Variants in ABCG2 observed in about 807,000 individuals in gnomAD.
ABCG2 encodes the protein broad substrate specificity ATP-binding cassette transporter ABCG2.
ABCG2 carries 80 observed loss-of-function variants against 73.5 expected under a neutral mutation model. That is an observed-to-expected ratio of 1.09 (90% CI 0.91 to 1.31). The LOEUF (loss-of-function observed/expected upper bound fraction) is 1.31. Ranked by LOEUF, ABCG2 falls within the 50% of genes most tolerant of loss-of-function variation. The pLI is 0.00. For synonymous variants in ABCG2, 269 were observed against 282.4 expected (o/e 0.95, Z 0.48); for missense variants, 796 against 786.2 (o/e 1.01, Z -0.15).
At chr4:88,122,864 A>C (rs1724106767) in intron 5 of ABCG2, among the ~76,000 whole-genome samples, 1 of 152,196 alleles carries the variant, frequency 6.6e-6, no homozygotes, top group African/African-American at 2.4e-5. Flanking sequence ...GTGCCTCCTG[A>C]TTGGGAGACA....
At position 88,113,417 on chromosome 4, in the gene ABCG2, C is replaced by G; in HGVS notation, c.1080G>C (p.Lys360Asn). Residue 360 changes from lysine (K) to asparagine (N), a missense_variant, in exon 9 of 16, where the codon AAG (lysine) becomes AAC (asparagine). Lys to Asn is a moderately conservative substitution (Grantham distance 94). Coordinates refer to ENST00000237612, the MANE Select transcript of ABCG2 (RefSeq NM_004827.3). ...HQLSGGEKKKKITVFKEISYT... is the reference protein window; with the variant it reads ...HQLSGGEKKKNITVFKEISYT... The stretch of plus-strand genomic sequence containing the variant: ...AGCTGATCTCCTTGAAGACTGTGAT[C>G]TTCTTCTTCTTCTCACCCCCGGAAA... 1 of 1,605,278 alleles carries G rather than the reference C, an allele frequency of 6.2e-7. No homozygotes were observed. Among genetic ancestry groups the G allele is most frequent in the Non-Finnish European group, 8.5e-7 (1 of 1,175,520 alleles).
chr4:88,182,934 A>C (rs939121104), intron 1 of ABCG2, among the ~76,000 whole-genome samples: 1 of 151,760 alleles, frequency 6.6e-6, no homozygotes, highest in Non-Finnish European at 1.5e-5. Flanking sequence ...AAATACAAAA[A>C]ATTAGCTGGG....
At chr4:88,152,591 T>C (rs966713499) in intron 1 of ABCG2, among the ~76,000 whole-genome samples, 1 of 152,018 alleles carries the variant, frequency 6.6e-6, no homozygotes, top group African/African-American at 2.4e-5. Flanking sequence ...GGTAATGTCA[T>C]CAGTTAAGGC....
chr4:88,184,105 ACTG>A (rs1728359565), intron 1 of ABCG2, among the ~76,000 whole-genome samples: 1 of 152,228 alleles, frequency 6.6e-6, no homozygotes, highest in Admixed American at 6.5e-5. Flanking sequence ...CTAGTATCAT[ACTG>A]AATGGGGAGA....
At chr4:88,136,768 C>T (rs1170394715) in intron 2 of ABCG2, among the ~76,000 whole-genome samples, 1 of 151,820 alleles carries the variant, frequency 6.6e-6, no homozygotes, top group Non-Finnish European at 1.5e-5. Context: ...GTAATCCCTA[C>T]ATTTTGGGAG....
At chr4:88,102,134 G>C (rs1180938624) in intron 10 of ABCG2, among the ~76,000 whole-genome samples, 1 of 152,266 alleles carries the variant, frequency 6.6e-6, no homozygotes, top group Non-Finnish European at 1.5e-5. Context: ...CATCAGCAGG[G>C]CCGTGACATT....
upstream of ABCG2, among the ~76,000 whole-genome samples, chr4:88,160,176 G>A (rs922378110): frequency 6.6e-6 from 1 of 151,756 alleles, no homozygotes; most frequent in Non-Finnish European, 1.5e-5. Context: ...AGGAGGCAGA[G>A]GTTGCAAATG....
intron 1 of ABCG2, among the ~76,000 whole-genome samples, chr4:88,169,947 C>CT (rs1279266009): frequency 1.3e-5 from 2 of 151,924 alleles, no homozygotes; most frequent in African/African-American, 4.8e-5. Context: ...CCCGTCTCTA[C>CT]TAAAAATACA....
Position 88,207,898 on chromosome 4 carries a change from G to C in ABCG2, c.-20+23096C>G, listed in dbSNP as rs542759792. Among the ~76,000 whole-genome samples, 401 of 152,088 alleles carry C rather than the reference G, an allele frequency of 2.6e-3. 2 individuals carry two copies. The highest frequency in any genetic ancestry group is 8.5e-3 in the African/African-American group (352 of 41,510). On this transcript the variant is annotated intron_variant, in intron 1 of 15. Transcript: ENST00000515655. ...GGGCACAATGAAGGATATTTTTGTT[G>C]GCTGAAAAGTCTATTCAAATGTTCA...
At chr4:88,193,083 T>G (rs943802142) in intron 1 of ABCG2, among the ~76,000 whole-genome samples, 4 of 151,972 alleles carry the variant, frequency 2.6e-5, no homozygotes, top group African/African-American at 9.7e-5. Flanking sequence ...ATATAATTAT[T>G]TATTTAAAAC....
chr4:88,222,468 T>TA (rs887962619), intron 1 of ABCG2, among the ~76,000 whole-genome samples: 1 of 151,880 alleles, frequency 6.6e-6, no homozygotes, highest in African/African-American at 2.4e-5. Flanking sequence ...TTTGAGGGTT[T>TA]AAAAAAAATA....
At chr4:88,205,819 A>T (rs979298545) in intron 1 of ABCG2, among the ~76,000 whole-genome samples, 4 of 152,140 alleles carry the variant, frequency 2.6e-5, no homozygotes, top group Non-Finnish European at 4.4e-5. Context: ...AGTAGCTGGG[A>T]CCACAGGTGC....
chr4:88,131,243 T>A, intron 4 of ABCG2, 30 bp from the exon 5 acceptor site: 1 of 1,606,528 alleles, frequency 6.2e-7, no homozygotes, highest in Non-Finnish European at 8.5e-7. Flanking sequence ...TAATGAGACA[T>A]AATGATAATG....
At chr4:88,151,256 T>C (rs923310541) in intron 1 of ABCG2, among the ~76,000 whole-genome samples, 1 of 152,162 alleles carries the variant, frequency 6.6e-6, no homozygotes, top group African/African-American at 2.4e-5. Flanking sequence ...TTAGAACATT[T>C]TGGGATCCTA....
intron 2 of ABCG2, 99 bp downstream of exon 2, chr4:88,139,694 C>T (rs77921443): frequency 9.0e-6 from 9 of 1,000,418 alleles, no homozygotes; most frequent in African/African-American, 8.2e-5. Context: ...AAGACTTGTA[C>T]AAAAATGTTC....
chr4:88,128,899 T>C (rs548365742), intron 5 of ABCG2, among the ~76,000 whole-genome samples: 1 of 152,194 alleles, frequency 6.6e-6, no homozygotes, highest in East Asian at 1.9e-4. Flanking sequence ...TGCACATGTA[T>C]CCCAGAACTT....
intron 11 of ABCG2, among the ~76,000 whole-genome samples, chr4:88,100,551 G>C (rs1023674278): frequency 2.0e-5 from 3 of 150,788 alleles, no homozygotes; most frequent in Admixed American, 2.0e-4. Context: ...TCAGGAGGCC[G>C]AGATGGGAGG....
intron 1 of ABCG2, among the ~76,000 whole-genome samples, chr4:88,180,980 A>G (rs1728210257): frequency 6.6e-6 from 1 of 152,212 alleles, no homozygotes; most frequent in African/African-American, 2.4e-5. Context: ...AAAAAGTGCA[A>G]TAAGATATAA....
rs953588114 is a variant in ABCG2 at position 88,130,980 on chromosome 4, C to T, written c.531+81G>A. 1.6e-5 allele frequency: 24 copies of T among 1,512,228 alleles called. No homozygotes were observed. The African/African-American group carries it at 3.3e-4, about 21-fold the overall frequency. 93.7% of individuals were successfully genotyped at this position (1,512,228 alleles called of 1,614,324 possible). ...TTTTGACCATACACATTACAGGAAACTTCTGAATCAGAGTCATTTTATCCA... is the reference window on the plus strand; with the variant it reads ...TTTTGACCATACACATTACAGGAAATTTCTGAATCAGAGTCATTTTATCCA... On this transcript the variant is annotated intron_variant, in intron 5 of 15. Transcript: ENST00000237612.
Sources: allele counts gnomAD v4.1 joint callset (sites outside exome capture counted in the v4.1 genomes callset), GRCh38; gene constraint gnomAD v4.1.1; transcripts MANE v1.5; gene names NCBI Gene and HGNC (gene_info 2026-07-23, HGNC 2026-07-21).